ARHGAP39: variants seen among roughly 807,000 people sequenced by gnomAD.
The protein encoded by ARHGAP39 is rho GTPase-activating protein 39.
In ARHGAP39, 44 loss-of-function variants were observed where a neutral mutation model predicts 106.9. The ratio of observed to expected loss-of-function variants is 0.41; its 90% CI spans 0.32 to 0.53. The LOEUF is 0.53. Ranked by LOEUF, ARHGAP39 falls within the 20% of genes least tolerant of loss-of-function variation. The pLI is 0.21. For synonymous variants in ARHGAP39, 768 were observed against 693.2 expected (o/e 1.11, Z -1.69); for missense variants, 1,496 against 1,577.3 (o/e 0.95, Z 0.87).
At chr8:144,562,713 A>G (rs553397458) in intron 3 of ARHGAP39, among the ~76,000 whole-genome samples, 1 of 138,032 alleles carries the variant, frequency 7.2e-6, no homozygotes, top group Non-Finnish European at 1.5e-5. Flanking sequence ...AGTGGTTTCC[A>G]TCGGACTCAC....
chr8:144,603,078 T>C (rs1820125467), intron 2 of ARHGAP39, among the ~76,000 whole-genome samples: 1 of 129,548 alleles, frequency 7.7e-6, no homozygotes, highest in Non-Finnish European at 1.6e-5. Flanking sequence ...TGTGCGTGCG[T>C]GGAGGTGTGT....
intron 7 of ARHGAP39, among the ~76,000 whole-genome samples, chr8:144,535,291 T>TA (rs1258592725): frequency 6.6e-5 from 10 of 152,228 alleles, no homozygotes; most frequent in African/African-American, 2.4e-4. Flanking sequence ...ATGTGACTGC[T>TA]AAGGAGACTC....
chr8:144,668,340 C>T (rs1353148506), intron 1 of ARHGAP39, among the ~76,000 whole-genome samples: 1 of 152,124 alleles, frequency 6.6e-6, no homozygotes, highest in Non-Finnish European at 1.5e-5. Context: ...ACTCAGGAGG[C>T]TGAGGTGGGA....
Position 144,604,218 on chromosome 8 carries a change from G to A in ARHGAP39, c.80+1317C>T, listed in dbSNP as rs1406760335. 6.6e-6 allele frequency among the ~76,000 whole-genome samples: 1 copy of A among 152,192 alleles called. No homozygotes were observed. On this transcript the variant is annotated intron_variant, in intron 2 of 11. Transcript: ENST00000377307. This position sits in a 1 kb window ranked among gnomAD's most constrained non-coding sequence, Gnocchi z 4.1. ...GGAGGCAGCAGCTGCACCTCGGGGG[G>A]TGCGGGCGAGGCCTCTGTCGGGGTC...
intron 1 of ARHGAP39, among the ~76,000 whole-genome samples, chr8:144,655,534 T>G (rs997616848): frequency 2.0e-5 from 3 of 151,824 alleles, no homozygotes; most frequent in African/African-American, 7.2e-5. Flanking sequence ...GAGAGCTGAA[T>G]GCTTATCAGG....
intron 3 of ARHGAP39, among the ~76,000 whole-genome samples, chr8:144,556,365 A>G (rs1056172810): frequency 2.6e-5 from 4 of 152,050 alleles, no homozygotes; most frequent in Admixed American, 2.0e-4. Flanking sequence ...ACAAATATCT[A>G]TGAAATGAAT....
At chr8:144,544,038 C>T (rs1410773786) in intron 6 of ARHGAP39, 1 of 152,366 alleles carries the variant, frequency 6.6e-6, no homozygotes, top group Non-Finnish European at 1.5e-5. Context: ...CCACCTGCTT[C>T]TTGAAGGGCC....
chr8:144,542,431 C>T (rs892556002), intron 6 of ARHGAP39, among the ~76,000 whole-genome samples: 7 of 152,146 alleles, frequency 4.6e-5, no homozygotes, highest in South Asian at 2.1e-4. Flanking sequence ...GTGCTCAGGG[C>T]GACGCACCAG....
At position 144,548,612 on chromosome 8, in the gene ARHGAP39, G is replaced by GCCCCAGCGA; in HGVS notation, c.597-124_597-123insTCGCTGGGG. The GCCCCAGCGA allele has an allele frequency of 1.5e-6, 2 of 1,327,422 alleles. No individual in the cohort carries two copies. Among genetic ancestry groups the GCCCCAGCGA allele is most frequent in the Non-Finnish European group, 2.0e-6 (2 of 999,688 alleles). The allele number at this position is 1,327,422 out of a possible 1,614,324, so 82.2% of individuals were successfully genotyped here. A position where few individuals can be genotyped will look rare whatever the true frequency, so the allele number is the denominator to read the frequency against. On this transcript the variant is annotated intron_variant, in intron 4 of 11. Coordinates refer to ENST00000377307, the MANE Select transcript of ARHGAP39 (RefSeq NM_025251.3). This position sits in a 1 kb window ranked among gnomAD's most constrained non-coding sequence, Gnocchi z 7.4. ...CTCTGTTGTACACCTTCCTCGCTGGGGCCCTGTGGCCTGGCGCCCCTCACA... is the reference window on the plus strand; with the variant it reads ...CTCTGTTGTACACCTTCCTCGCTGGGCCCCAGCGAGCCCTGTGGCCTGGCGCCCCTCACA...
intron 1 of ARHGAP39, among the ~76,000 whole-genome samples, chr8:144,623,973 T>C (rs1820872349): frequency 6.6e-6 from 1 of 152,206 alleles, no homozygotes; most frequent in Admixed American, 6.5e-5. Context: ...ATGACCATGC[T>C]TGGCATCAGC....
chr8:144,601,501 C>CGT (rs779558229), intron 2 of ARHGAP39, among the ~76,000 whole-genome samples: 1 of 63,464 alleles, frequency 1.6e-5, no homozygotes, highest in Non-Finnish European at 3.0e-5. Context: ...TGTGTGTGTG[C>CGT]GTGGAGGCAT....
the ARHGAP39 span, among the ~76,000 whole-genome samples, chr8:144,696,569 G>A: frequency 6.6e-6 from 1 of 152,096 alleles, no homozygotes; most frequent in Non-Finnish European, 1.5e-5. Context: ...CGGTTACAAA[G>A]GATTCCGCTG....
chr8:144,588,238 C>T (rs1035080816), intron 2 of ARHGAP39, among the ~76,000 whole-genome samples: 6 of 152,202 alleles, frequency 3.9e-5, no homozygotes, highest in African/African-American at 9.7e-5. Context: ...AGAGCAGGGC[C>T]GCCCCGAGGG....
At chr8:144,677,253 G>A (rs1042960041) in intron 1 of ARHGAP39, among the ~76,000 whole-genome samples, 2 of 152,202 alleles carry the variant, frequency 1.3e-5, no homozygotes, top group African/African-American at 4.8e-5. Context: ...CTGCGTGGAC[G>A]TGTATATTTC....
rs1817380319 is a variant in ARHGAP39, at chr8:144,545,601, G to A, written c.2169C>T (p.Ser723=). ...TCATGGGCTTCTTGATGGACTCGCT[G>A]CTCCAGGCCAGCATGTTGGCGATGG... ...KVSIANMLAW[S]SESIKKPMIV... Residue 723 remains serine, a synonymous_variant, in exon 6 of 12, where the codon AGC becomes AGT. Coordinates refer to ENST00000377307, the MANE Select transcript of ARHGAP39 (RefSeq NM_025251.3). 3.7e-6 allele frequency: 6 copies of A among 1,613,792 alleles called. No homozygotes were observed. The highest frequency in any genetic ancestry group is 1.1e-5 in the South Asian group (1 of 91,076).
At chr8:144,633,080 C>T (rs1821101644) in intron 1 of ARHGAP39, among the ~76,000 whole-genome samples, 1 of 151,828 alleles carries the variant, frequency 6.6e-6, no homozygotes, top group Non-Finnish European at 1.5e-5. Context: ...GAGGTGGAGG[C>T]TGCAGTGAGC....
chr8:144,600,962 G>A (rs1161163282), intron 2 of ARHGAP39, among the ~76,000 whole-genome samples: 1 of 148,812 alleles, frequency 6.7e-6, no homozygotes, highest in Non-Finnish European at 1.5e-5. Context: ...TCGTATACCT[G>A]TGTGCATGTG....
chr8:144,588,095 C>T (rs1819251187), intron 2 of ARHGAP39, among the ~76,000 whole-genome samples: 1 of 152,204 alleles, frequency 6.6e-6, no homozygotes, highest in African/African-American at 2.4e-5. Context: ...TAGACAGAGC[C>T]AGTGACGCTG....
chr8:144,677,622 G>C (rs149956000), intron 1 of ARHGAP39, among the ~76,000 whole-genome samples: 8 of 152,230 alleles, frequency 5.3e-5, no homozygotes, highest in African/African-American at 9.6e-5. Flanking sequence ...GATATGGAAA[G>C]ATCTCTCAAA....
Sources: allele counts gnomAD v4.1 joint callset (sites outside exome capture counted in the v4.1 genomes callset), GRCh38; gene constraint gnomAD v4.1.1; non-coding constraint Gnocchi (gnomAD v3.1); transcripts MANE v1.5; gene names NCBI Gene and HGNC (gene_info 2026-07-23, HGNC 2026-07-21).